Variants in PACRG observed in about 807,000 individuals in gnomAD.
PACRG encodes the protein parkin coregulated gene protein.
A neutral mutation model predicts 29.7 loss-of-function variants in PACRG; 29 were observed. The observed-to-expected ratio is 0.98, with a 90% CI of 0.73 to 1.33. PACRG has a LOEUF of 1.33. PACRG is among the 40% of genes most tolerant of loss of function. The probability of loss-of-function intolerance (pLI) is 0.00; values close to 1 mark genes in which losing one functional copy is unlikely to be tolerated. For missense variants in PACRG, 279 were observed against 316.2 expected, an observed-to-expected ratio of 0.88 and a Z score of 0.89; for synonymous variants, 116 against 118.7, an observed-to-expected ratio of 0.98 and a Z score of 0.15.
intron 2 of PACRG, among the ~76,000 whole-genome samples, chr6:162,965,277 A>G (rs1225845476): frequency 7.9e-5 from 12 of 152,240 alleles, no homozygotes; most frequent in African/African-American, 2.9e-4. Context: ...ATAAGTCATT[A>G]AAGTCTCGGG....
chr6:162,868,770 G>A (rs375394793), intron 2 of PACRG, among the ~76,000 whole-genome samples: 3 of 152,322 alleles, frequency 2.0e-5, no homozygotes, highest in South Asian at 4.1e-4. Context: ...TCCTGTAGAT[G>A]GGGAATTGTT....
intron 4 of PACRG, among the ~76,000 whole-genome samples, chr6:163,113,459 C>G (rs1224154742): frequency 2.6e-5 from 4 of 152,254 alleles, no homozygotes; most frequent in East Asian, 3.9e-4. Context: ...ATATTATAAT[C>G]AAACCATCAA....
intron 1 of PACRG, among the ~76,000 whole-genome samples, chr6:162,810,030 G>T (rs1343508663): frequency 6.6e-6 from 1 of 152,090 alleles, no homozygotes; most frequent in Non-Finnish European, 1.5e-5. Flanking sequence ...TTTCACCACT[G>T]CCCAGGGTAA....
intron 2 of PACRG, among the ~76,000 whole-genome samples, chr6:163,030,367 C>A (rs1324461686): frequency 6.6e-6 from 1 of 152,174 alleles, no homozygotes. Flanking sequence ...CAGTAAGTTC[C>A]AACATAAAGT....
chr6:162,848,694 T>G (rs1790613067), intron 2 of PACRG, among the ~76,000 whole-genome samples: 1 of 152,282 alleles, frequency 6.6e-6, no homozygotes, highest in South Asian at 2.1e-4. Flanking sequence ...TCATGGATGG[T>G]AGTTCTGTTG....
At chr6:163,029,878 A>G (rs1807494562) in intron 2 of PACRG, among the ~76,000 whole-genome samples, 3 of 152,114 alleles carry the variant, frequency 2.0e-5, no homozygotes, top group Non-Finnish European at 2.9e-5. Context: ...GATTAATACA[A>G]CTGCATAGGT....
intron 4 of PACRG, among the ~76,000 whole-genome samples, chr6:163,208,502 GAAATA>G (rs1158830171): frequency 6.6e-5 from 10 of 152,056 alleles, no homozygotes; most frequent in East Asian, 1.9e-4. Flanking sequence ...TAAAAGTCCA[GAAATA>G]AAATAACAAA....
chr6:163,179,947 A>T (rs956703221), intron 4 of PACRG, among the ~76,000 whole-genome samples: 2 of 152,294 alleles, frequency 1.3e-5, no homozygotes, highest in Admixed American at 1.3e-4. Context: ...GTCCCAGCCG[A>T]GCCCTCCTGG....
intron 4 of PACRG, among the ~76,000 whole-genome samples, chr6:163,150,798 G>A (rs1778052191): frequency 6.6e-6 from 1 of 152,170 alleles, no homozygotes; most frequent in African/African-American, 2.4e-5. Flanking sequence ...CCACTGAAAG[G>A]CGAGCAGTAG....
At position 162,728,113 on chromosome 6, in the gene PACRG, G is replaced by C; in HGVS notation, c.-123G>C. On this transcript the variant is annotated 5_prime_UTR_variant, in exon 1 of 5. Coordinates refer to ENST00000366888, the MANE Select transcript of PACRG (RefSeq NM_001080379.2). The stretch of plus-strand genomic sequence containing the variant: ...ATCTGGATCAACCTGGGCACTACGA[G>C]GGGTTGAATTTCTACCATTATCGCG... The C allele has an allele frequency of 8.5e-7, 1 of 1,180,456 alleles. No individual in the cohort carries two copies. Among genetic ancestry groups the C allele is most frequent in the Non-Finnish European group, 1.2e-6 (1 of 832,564 alleles). 73.1% of individuals were successfully genotyped at this position (1,180,456 alleles called of 1,614,324 possible). A position where few individuals can be genotyped will look rare whatever the true frequency, so the allele number is the denominator to read the frequency against.
At chr6:162,745,260 C>G (rs1780898462) in intron 1 of PACRG, among the ~76,000 whole-genome samples, 1 of 152,128 alleles carries the variant, frequency 6.6e-6, no homozygotes, top group South Asian at 2.1e-4. Context: ...TGGAAGCCAT[C>G]ATCCTCAGCA....
At chr6:162,756,268 T>C (rs1027271653) in intron 1 of PACRG, among the ~76,000 whole-genome samples, 14 of 152,210 alleles carry the variant, frequency 9.2e-5, no homozygotes, top group Non-Finnish European at 1.6e-4. Flanking sequence ...TATTATAGTA[T>C]TGCAGTCTTT....
chr6:163,270,249 C>T (rs1272817489), intron 4 of PACRG, among the ~76,000 whole-genome samples: 2 of 152,120 alleles, frequency 1.3e-5, no homozygotes, highest in Non-Finnish European at 2.9e-5. Flanking sequence ...AGGTCTAGGT[C>T]GGCAGGCTAA....
chr6:163,202,817 T>G (rs1780761122), intron 4 of PACRG, among the ~76,000 whole-genome samples: 1 of 152,208 alleles, frequency 6.6e-6, no homozygotes, highest in African/African-American at 2.4e-5. Context: ...AGCAAGTACT[T>G]TCACATGGAG....
At chr6:163,001,097 C>T (rs1804550294) in intron 2 of PACRG, among the ~76,000 whole-genome samples, 1 of 152,190 alleles carries the variant, frequency 6.6e-6, no homozygotes, top group Non-Finnish European at 1.5e-5. Flanking sequence ...GTGCATGGCT[C>T]CCAAGGACCT....
chr6:163,128,903 C>A (rs1315336491), intron 4 of PACRG, among the ~76,000 whole-genome samples: 12 of 152,128 alleles, frequency 7.9e-5, no homozygotes, highest in Admixed American at 3.9e-4. Context: ...AGCCCAGTGA[C>A]AAAATTTGAT....
At chr6:162,879,868 T>C (rs764499126) in intron 2 of PACRG, among the ~76,000 whole-genome samples, 15 of 152,188 alleles carry the variant, frequency 9.9e-5, no homozygotes, top group Admixed American at 6.5e-4. Context: ...AGCTGGTATA[T>C]CTATAAGGAT....
At chr6:163,123,561 T>C (rs898566022) in intron 4 of PACRG, among the ~76,000 whole-genome samples, 19 of 152,154 alleles carry the variant, frequency 1.2e-4, no homozygotes, top group African/African-American at 4.6e-4. Context: ...GCACAATACC[T>C]TATCGTTAAC....
intron 1 of PACRG, among the ~76,000 whole-genome samples, chr6:162,751,035 TAATTC>T (rs768884445): frequency 1.3e-5 from 2 of 152,188 alleles, no homozygotes; most frequent in Non-Finnish European, 2.9e-5. Flanking sequence ...CAAATGCACT[TAATTC>T]AATAAGGAAG....
Sources: gnomAD v4.1 joint callset for allele counts (sites outside exome capture counted in the v4.1 genomes callset) on GRCh38, gnomAD v4.1.1 for gene constraint, MANE v1.5 for transcripts, NCBI Gene and HGNC (gene_info 2026-07-23, HGNC 2026-07-21) for gene names.